The following LAMA5 variants were observed in gnomAD, a reference collection of about 807,000 sequenced individuals.
The protein encoded by LAMA5 is laminin subunit alpha-5.
A neutral mutation model predicts 433.4 loss-of-function variants in LAMA5; 260 were observed. The ratio of observed to expected loss-of-function variants is 0.60; its 90% CI spans 0.54 to 0.66. The LOEUF (loss-of-function observed/expected upper bound fraction) is 0.66. Ranked by LOEUF, LAMA5 falls within the 30% of genes least tolerant of loss-of-function variation. The probability of loss-of-function intolerance (pLI) is 0.00; values close to 1 mark genes in which losing one functional copy is unlikely to be tolerated. For synonymous variants in LAMA5, 2,620 were observed against 2,226.6 expected (o/e 1.18, Z -4.97); for missense variants, 5,378 against 5,258.5 (o/e 1.02, Z -0.70).
Position 62,357,037 on chromosome 20 carries a change from G to A in LAMA5, c.451-3786C>T, listed in dbSNP as rs183770590. Among the ~76,000 whole-genome samples the A allele has an allele frequency of 1.3e-3, 205 of 152,284 alleles. 2 individuals are homozygous for A. Among genetic ancestry groups the A allele is most frequent in the Middle Eastern group, 0.01 (3 of 294 alleles). On this transcript the variant is annotated intron_variant, in intron 2 of 79. Transcript: ENST00000252999. ...GGCTTTCGGGGACCCTGGGGATGGC[G>A]TGGGGTTGTTGGCTAGCAGCCTCCT...
At chr20:62,323,334 C>T (rs900387844) in intron 45 of LAMA5, 122 bp downstream of exon 45, 17 of 833,722 alleles carry the variant, frequency 2.0e-5, no homozygotes, top group Middle Eastern at 3.7e-4. Context: ...AGGCTGGCTC[C>T]GACTTGTCCT....
Position 62,314,736 on chromosome 20 carries a change from C to A in LAMA5, c.8197-11G>T. On this transcript the variant is annotated splice_polypyrimidine_tract_variant and intron_variant, in intron 60 of 79. Coordinates refer to ENST00000252999, the MANE Select transcript of LAMA5 (RefSeq NM_005560.6). Reference sequence around the variant, plus strand: ...CATGGGCACCTTGACCTGCGGGGCACGGTCCATCAGCGTCCACCACCACCC... The same window carrying A: ...CATGGGCACCTTGACCTGCGGGGCAAGGTCCATCAGCGTCCACCACCACCC... 6.2e-7 allele frequency: 1 copy of A among 1,612,278 alleles called. No individual in the cohort carries two copies. Among genetic ancestry groups the A allele is most frequent in the Non-Finnish European group, 8.5e-7 (1 of 1,179,664 alleles).
intron 28 of LAMA5, 40 bp from the exon 29 acceptor site, chr20:62,331,169 C>A: frequency 7.5e-7 from 1 of 1,325,750 alleles, no homozygotes; most frequent in South Asian, 1.5e-5. Flanking sequence ...GCCCGTGGTG[C>A]GGGGAGGATA....
At chr20:62,334,496 C>T (rs1162166282) in intron 21 of LAMA5, 26 bp downstream of exon 21, 5 of 1,541,046 alleles carry the variant, frequency 3.2e-6, no homozygotes, top group Non-Finnish European at 4.4e-6. Context: ...CCGCTCCCCA[C>T]CACCCAGTGG....
intron 11 of LAMA5, among the ~76,000 whole-genome samples, chr20:62,341,552 A>T (rs1212737768): frequency 6.6e-6 from 1 of 152,186 alleles, no homozygotes; most frequent in East Asian, 1.9e-4. Flanking sequence ...GACATCATCG[A>T]ATGCTTCCTG....
At chr20:62,323,012 T>C (rs1034225328) in intron 45 of LAMA5, among the ~76,000 whole-genome samples, 3 of 143,256 alleles carry the variant, frequency 2.1e-5, no homozygotes, top group Non-Finnish European at 3.0e-5. Context: ...TGGTGGGGCA[T>C]TGGTGGTGGT....
In LAMA5 at chr20:62,309,395, T is replaced by C. The variant is rs768239153; in HGVS notation, c.11029A>G (p.Met3677Val). ...CCGTGGACCTCCACAGAGCGAGTCA[T>C]GGCGACGGGGGACCGGTTCACCGCC... Reference protein sequence around the residue: ...RLAVNRSPVAMTRSVEVHGAV... With the variant: ...RLAVNRSPVAVTRSVEVHGAV... The change falls in exon 80 of 80, where the codon ATG (methionine) becomes GTG (valine). Residue 3677 changes from methionine to valine, a missense_variant. By Grantham distance (21) the Met-to-Val change is conservative. Transcript: ENST00000252999. 16 of 1,588,490 alleles carry C rather than the reference T, an allele frequency of 1.0e-5. No individual in the cohort carries two copies. The highest frequency in any genetic ancestry group is 8.5e-7 in the Non-Finnish European group (1 of 1,175,806).
chr20:62,327,081 GC>G (rs2146159293), intron 38 of LAMA5, 115 bp from the exon 39 acceptor site: 1 of 1,093,714 alleles, frequency 9.1e-7, no homozygotes, highest in African/African-American at 1.6e-5. Context: ...CTGGATACTT[GC>G]GCTCATTCCC....
intron 48 of LAMA5, among the ~76,000 whole-genome samples, chr20:62,321,427 T>A (rs559084375): frequency 4.2e-3 from 9 of 2,138 alleles, no homozygotes; most frequent in Middle Eastern, 0.5. Flanking sequence ...GTAGGGTCAG[T>A]GGAGGGGTAG....
chr20:62,319,891 G>A, intron 50 of LAMA5, 96 bp from the exon 51 acceptor site: 1 of 852,720 alleles, frequency 1.2e-6, no homozygotes, highest in South Asian at 1.6e-5. Flanking sequence ...GAGGGTCCCA[G>A]GGAAGAGGGG....
rs770317338 is a variant in LAMA5 at position 62,310,060 on chromosome 20, C to T, written c.10756G>A (p.Gly3586Arg). The part of the protein sequence containing the change: ...EKQVLLRADD[G>R]AGEFSTSVTR... ...ACTGACGTGGAGAACTCCCCTGCTC[C>T]GTCATCCGCCCGCAGCAGGACCTGG... Residue 3586 changes from glycine (G) to arginine (R), a missense_variant, in exon 78 of 80, where the codon GGA becomes AGA. By Grantham distance (125) the Gly-to-Arg change is moderately radical (BLOSUM62 -2). Transcript: ENST00000252999. 45 of 1,611,262 alleles carry T rather than the reference C, an allele frequency of 2.8e-5. No homozygotes were observed. Among genetic ancestry groups the T allele is most frequent in the Middle Eastern group, 3.3e-4 (2 of 6,014 alleles).
intron 53 of LAMA5, 80 bp downstream of exon 53, chr20:62,318,374 G>GAC: frequency 9.7e-7 from 1 of 1,029,752 alleles, no homozygotes; most frequent in South Asian, 1.4e-5. Flanking sequence ...GGGAGGGGAG[G>GAC]GGAGGAGCCG....
At chr20:62,351,828 AGGC>A (rs1313102616) in intron 5 of LAMA5, 27 bp from the exon 6 acceptor site, 1 of 1,587,590 alleles carries the variant, frequency 6.3e-7, no homozygotes, top group Non-Finnish European at 8.6e-7. Flanking sequence ...CGTGAGCACC[AGGC>A]GGCCAGGCCT....
Position 62,318,902 on chromosome 20 carries a change from GC to G in LAMA5, c.6982del (p.Ala2328ProfsTer29). On this transcript the variant is annotated frameshift_variant, in exon 52 of 80. Transcript: ENST00000252999. LOFTEE classifies it high-confidence loss of function. ...EVERLLWEMR[A>X]RDLGAPQAAA... ...TGCCTGCGGGGCCCCCAGGTCCCGG[GC>G]CCGCATCTCCCAGAGCAGCCGCTCC... The G allele has an allele frequency of 6.2e-7, 1 of 1,605,546 alleles. No individual in the cohort carries two copies. Among genetic ancestry groups the G allele is most frequent in the Non-Finnish European group, 8.5e-7 (1 of 1,178,136 alleles).
chr20:62,318,613 C>G lies in LAMA5; in HGVS notation c.7080G>C (p.Trp2360Cys). The G allele has an allele frequency of 6.2e-7, 1 of 1,610,816 alleles. No individual in the cohort carries two copies. The change falls in exon 53 of 80, where the codon TGG (tryptophan) becomes TGC (cysteine). Residue 2360 changes from tryptophan to cysteine, a missense_variant. Physicochemically the swap from Trp to Cys is radical, Grantham distance 215. Coordinates refer to ENST00000252999, the MANE Select transcript of LAMA5 (RefSeq NM_005560.6). ...GTGTGGCCAGTGCCTGGTTCTCCTC[C>G]CAGAGGCTGCTCAGCTGCTCCTGCA... ...ARVQEQLSSL[W>C]EENQALATQT... is the part of the protein sequence containing the mutation.
Position 62,319,807 on chromosome 20 carries a change from G to A in LAMA5, c.6760-12C>T, listed in dbSNP as rs764222390. Reference sequence around the variant, plus strand: ...CGGGTCCCCACGGCCTGTGGAGGAAGAGCCCACTAGCCCACGCTGCTGGTA... The same window carrying A: ...CGGGTCCCCACGGCCTGTGGAGGAAAAGCCCACTAGCCCACGCTGCTGGTA... On this transcript the variant is annotated splice_polypyrimidine_tract_variant and intron_variant, in intron 50 of 79. Coordinates refer to ENST00000252999, the MANE Select transcript of LAMA5 (RefSeq NM_005560.6). The A allele has an allele frequency of 2.6e-6, 4 of 1,537,336 alleles. No homozygotes were observed. Among genetic ancestry groups the A allele is most frequent in the Non-Finnish European group, 3.5e-6 (4 of 1,139,764 alleles).
intron 48 of LAMA5, among the ~76,000 whole-genome samples, chr20:62,321,679 G>A (rs1251381420): frequency 3.9e-5 from 4 of 102,954 alleles, no homozygotes; most frequent in African/African-American, 1.2e-4. Context: ...TGGGGTCAGT[G>A]GAGGGGTGGG....
Position 62,312,329 on chromosome 20 carries a change from C to T in LAMA5, c.9361-13G>A. 1 of 1,607,144 alleles carries T rather than the reference C, an allele frequency of 6.2e-7. No individual in the cohort carries two copies. The highest frequency in any genetic ancestry group is 1.1e-5 in the South Asian group (1 of 90,800). ...TGGCGCGCCCCACCTGCGGGGAGGC[C>T]ATCCCTGAGTGCCCGCGGGTGCCCC... On this transcript the variant is annotated splice_polypyrimidine_tract_variant and intron_variant, in intron 68 of 79. Coordinates refer to ENST00000252999, the MANE Select transcript of LAMA5 (RefSeq NM_005560.6).
intron 48 of LAMA5, among the ~76,000 whole-genome samples, chr20:62,321,750 AGG>A (rs1987831546): frequency 9.4e-4 from 3 of 3,178 alleles, no homozygotes; most frequent in South Asian, 8.5e-3. Flanking sequence ...GGGCCAGTGG[AGG>A]GGTGGGGTCA....
Sources: allele counts gnomAD v4.1 joint callset (sites outside exome capture counted in the v4.1 genomes callset), GRCh38; gene constraint gnomAD v4.1.1; transcripts MANE v1.5; gene names NCBI Gene and HGNC (gene_info 2026-07-23, HGNC 2026-07-21).